PLCB1: variants seen among roughly 807,000 people sequenced by gnomAD.
PLCB1 encodes the protein 1-phosphatidylinositol 4,5-bisphosphate phosphodiesterase beta-1.
A neutral mutation model predicts 161.8 loss-of-function variants in PLCB1; 46 were observed. That is an observed-to-expected ratio of 0.28 (90% CI 0.22 to 0.36). PLCB1 has a LOEUF of 0.36. PLCB1 is among the 10% of genes least tolerant of loss of function. The pLI, the probability that PLCB1 is intolerant of heterozygous loss-of-function variation, is 1.00. For synonymous variants in PLCB1, 517 were observed against 503.7 expected (o/e 1.03, Z -0.35); for missense variants, 1,016 against 1,472.5 (o/e 0.69, Z 5.07).
chr20:8,260,344 C>A (rs1489209230), intron 2 of PLCB1, among the ~76,000 whole-genome samples: 1 of 151,658 alleles, frequency 6.6e-6, no homozygotes, highest in Non-Finnish European at 1.5e-5. Flanking sequence ...CTGAGCCTCC[C>A]GAAATGCTGG....
In PLCB1 at chr20:8,740,407, T is replaced by A. The variant is rs764289110; in HGVS notation, c.2372T>A (p.Val791Asp). ...CCTCTGACGCTGCCTGCTGTCTTTGTCTACATAGAAGTGAAAGACTATGTG... is the reference window on the plus strand; with the variant it reads ...CCTCTGACGCTGCCTGCTGTCTTTGACTACATAGAAGTGAAAGACTATGTG... ...NQPLTLPAVFVYIEVKDYVPD... is the reference protein window; with the variant it reads ...NQPLTLPAVFDYIEVKDYVPD... The change falls in exon 22 of 32, where the codon GTC (valine) becomes GAC (aspartate). Residue 791 changes from valine to aspartate, a missense_variant. Val to Asp is a radical substitution (Grantham distance 152). Transcript: ENST00000338037. The A allele has an allele frequency of 1.2e-6, 2 of 1,605,066 alleles. No individual in the cohort carries two copies. Among genetic ancestry groups the A allele is most frequent in the Non-Finnish European group, 1.7e-6 (2 of 1,176,950 alleles).
chr20:8,620,941 T>C (rs1456056560), intron 3 of PLCB1, among the ~76,000 whole-genome samples: 3 of 152,096 alleles, frequency 2.0e-5, no homozygotes, highest in Non-Finnish European at 4.4e-5. Flanking sequence ...TCTGAGGTTT[T>C]AGAAGCCCCT....
chr20:8,357,642 C>A (rs1986402481), intron 2 of PLCB1, among the ~76,000 whole-genome samples: 1 of 151,526 alleles, frequency 6.6e-6, no homozygotes, highest in African/African-American at 2.4e-5. Context: ...CATAGTGAGA[C>A]CTTGTCTTTA....
intron 23 of PLCB1, among the ~76,000 whole-genome samples, chr20:8,755,548 A>G (rs925570558): frequency 9.9e-5 from 15 of 152,238 alleles, no homozygotes; most frequent in African/African-American, 3.6e-4. Context: ...TTTTATAAGG[A>G]TCAGCATTTA....
At chr20:8,678,938 G>A (rs966165560) in intron 9 of PLCB1, among the ~76,000 whole-genome samples, 7 of 152,220 alleles carry the variant, frequency 4.6e-5, no homozygotes, top group East Asian at 1.9e-4. Flanking sequence ...AAACTCTTTC[G>A]TGTTATATGC....
chr20:8,789,855 T>A (rs1436659089), intron 30 of PLCB1, among the ~76,000 whole-genome samples: 2 of 152,198 alleles, frequency 1.3e-5, no homozygotes, highest in African/African-American at 4.8e-5. Context: ...AAAAGAACCT[T>A]TAATTGTCAT....
chr20:8,413,215 A>G (rs980928179), intron 3 of PLCB1, among the ~76,000 whole-genome samples: 2 of 150,736 alleles, frequency 1.3e-5, no homozygotes, highest in Non-Finnish European at 2.9e-5. Context: ...AATATTACAT[A>G]TGTTTAAACT....
chr20:8,842,076 G>A (rs6140753), intron 31 of PLCB1, among the ~76,000 whole-genome samples: 48,717 of 151,942 alleles, frequency 0.32, 8,797 homozygotes, highest in East Asian at 0.63. Context: ...GATAAAACAA[G>A]GAAATGATGA....
At chr20:8,257,306 T>G (rs1331777509) in intron 2 of PLCB1, among the ~76,000 whole-genome samples, 1 of 152,146 alleles carries the variant, frequency 6.6e-6, no homozygotes, top group Non-Finnish European at 1.5e-5. Context: ...CAACTGTTTC[T>G]TATTGAACAA....
At chr20:8,534,249 G>A (rs778094498) in intron 3 of PLCB1, among the ~76,000 whole-genome samples, 17 of 152,254 alleles carry the variant, frequency 1.1e-4, no homozygotes, top group African/African-American at 2.9e-4. Context: ...AGGTACAGGC[G>A]CTGCCATGCC....
chr20:8,805,033 A>ACATAAAG (rs1984467745), intron 31 of PLCB1, among the ~76,000 whole-genome samples: 1 of 150,838 alleles, frequency 6.6e-6, no homozygotes, highest in South Asian at 2.1e-4. Flanking sequence ...AAGGAATAGC[A>ACATAAAG]CATAAAGGTA....
chr20:8,446,199 G>A (rs1223257916), intron 3 of PLCB1, among the ~76,000 whole-genome samples: 1 of 152,122 alleles, frequency 6.6e-6, no homozygotes, highest in African/African-American at 2.4e-5. Context: ...ACATCAAAAA[G>A]CTTATACACC....
chr20:8,842,592 G>T (rs930219630), intron 31 of PLCB1, among the ~76,000 whole-genome samples: 2 of 152,144 alleles, frequency 1.3e-5, no homozygotes, highest in African/African-American at 4.8e-5. Context: ...ATTCAGCTGG[G>T]AGCATCGGCA....
chr20:8,749,095 G>A (rs1981321277), intron 23 of PLCB1, among the ~76,000 whole-genome samples: 1 of 152,094 alleles, frequency 6.6e-6, no homozygotes, highest in Admixed American at 6.5e-5. Context: ...GACCATATTT[G>A]GATTAGCAGG....
Position 8,882,767 on chromosome 20 carries a change from T to G in PLCB1, c.*918T>G, listed in dbSNP as rs1411821375. The stretch of plus-strand genomic sequence containing the variant: ...TTTTGCCGTTTGACATTTTTTATGG[T>G]TCATTTATTTTTAATATAGAGAGGA... On this transcript the variant is annotated 3_prime_UTR_variant, in exon 32 of 32. Transcript: ENST00000338037. 1 of 152,240 alleles carries G rather than the reference T, an allele frequency of 6.6e-6. No homozygotes were observed. Among genetic ancestry groups the G allele is most frequent in the African/African-American group, 2.4e-5 (1 of 41,452 alleles). 9.4% of individuals were successfully genotyped at this position (152,240 alleles called of 1,614,324 possible).
intron 7 of PLCB1, among the ~76,000 whole-genome samples, chr20:8,656,846 A>C (rs1285395296): frequency 1.3e-5 from 2 of 151,958 alleles, no homozygotes; most frequent in Non-Finnish European, 2.9e-5. Context: ...TCCTAGATCT[A>C]ACTTGCTTTA....
chr20:8,722,325 CATG>C (rs760814924), intron 14 of PLCB1, 26 bp from the exon 15 acceptor site: 20 of 1,543,192 alleles, frequency 1.3e-5, no homozygotes, highest in Non-Finnish European at 1.7e-5. Flanking sequence ...GAAATGGTGA[CATG>C]ATGATCTGTT....
chr20:8,158,240 T>A (rs1242349987), intron 2 of PLCB1, among the ~76,000 whole-genome samples: 1 of 152,260 alleles, frequency 6.6e-6, no homozygotes. Flanking sequence ...TTGGTATTGA[T>A]ATAATGCCAT....
chr20:8,305,308 C>A (rs1984083201), intron 2 of PLCB1, among the ~76,000 whole-genome samples: 1 of 152,114 alleles, frequency 6.6e-6, no homozygotes. Context: ...ATGAAGAAGA[C>A]CTTCTTTTGG....
Sources: gnomAD v4.1 joint callset for allele counts (sites outside exome capture counted in the v4.1 genomes callset) on GRCh38, gnomAD v4.1.1 for gene constraint, MANE v1.5 for transcripts, NCBI Gene and HGNC (gene_info 2026-07-23, HGNC 2026-07-21) for gene names.